The following APLF variants were observed in gnomAD, a reference collection of about 807,000 sequenced individuals.
APLF encodes the protein aprataxin and PNK-like factor.
In APLF, 61 loss-of-function variants were observed where a neutral mutation model predicts 55.6. The observed-to-expected ratio is 1.10, with a 90% CI of 0.89 to 1.36. The LOEUF (loss-of-function observed/expected upper bound fraction) is 1.36, where lower values mean the gene tolerates loss of function less well. Among genes scored for constraint, APLF ranks in the 40% most tolerant of loss-of-function variants. The pLI, the probability that APLF is intolerant of heterozygous loss-of-function variation, is 0.00. For missense variants in APLF, 611 were observed against 602.5 expected, an observed-to-expected ratio of 1.01 and a Z score of -0.15; for synonymous variants, 207 against 214.8, an observed-to-expected ratio of 0.96 and a Z score of 0.32.
intron 5 of APLF, among the ~76,000 whole-genome samples, chr2:68,518,444 T>TATATTATATATTATATAACATATAAC (rs1558539517): frequency 8.8e-6 from 1 of 113,376 alleles, no homozygotes; most frequent in African/African-American, 3.7e-5. Context: ...TAATATATAA[T>TATATTATATATTATATAACATATAAC]AATATATTAT....
rs965613055 is a variant in APLF at position 68,578,437 on chromosome 2, A to G, written c.*415A>G. On this transcript the variant is annotated 3_prime_UTR_variant, in exon 10 of 10. Transcript: ENST00000303795. Reference sequence around the variant, plus strand: ...AACATGCCTCTTTTCATTGTTACTGAAGTAATTCTGTAAGCAGAACCAGGC... The same window carrying G: ...AACATGCCTCTTTTCATTGTTACTGGAGTAATTCTGTAAGCAGAACCAGGC... 2 of 989,460 alleles carry G rather than the reference A, an allele frequency of 2.0e-6. No homozygotes were observed. The highest frequency in any genetic ancestry group is 2.4e-6 in the Non-Finnish European group (2 of 832,732). The allele number at this position is 989,460 out of a possible 1,614,324, so 61.3% of individuals were successfully genotyped here.
intron 5 of APLF, among the ~76,000 whole-genome samples, chr2:68,516,911 C>T (rs1669596604): frequency 8.5e-6 from 1 of 117,572 alleles, no homozygotes; most frequent in African/African-American, 3.3e-5. Context: ...ATTATATATC[C>T]TATATAACAT....
At chr2:68,557,593 G>A (rs964957792) in intron 8 of APLF, among the ~76,000 whole-genome samples, 1 of 152,164 alleles carries the variant, frequency 6.6e-6, no homozygotes, top group Non-Finnish European at 1.5e-5. Flanking sequence ...GTCATGTGAT[G>A]CTATCAATCT....
At chr2:68,517,108 T>C (rs1395582351) in intron 5 of APLF, among the ~76,000 whole-genome samples, 1 of 124,638 alleles carries the variant, frequency 8.0e-6, no homozygotes, top group African/African-American at 3.2e-5. Context: ...TATACTAATA[T>C]ATAATAATAC....
rs183778868 is a variant in APLF at position 68,576,380 on chromosome 2, C to G, written c.1334-1440C>G. On this transcript the variant is annotated intron_variant, in intron 9 of 9. Transcript: ENST00000303795. ...CATGCCCTCAAGATGTTTACAGGAG[C>G]TGTATATACAGATATATGTAATGCA... is the stretch of plus-strand genomic sequence containing the variant. 3.9e-5 allele frequency among the ~76,000 whole-genome samples: 6 copies of G among 152,182 alleles called. No individual in the cohort carries two copies. In the East Asian group the frequency reaches 1.2e-3, roughly 29 times the overall value.
chr2:68,507,459 A>G (rs1044207924), intron 3 of APLF, among the ~76,000 whole-genome samples: 25 of 152,130 alleles, frequency 1.6e-4, no homozygotes, highest in African/African-American at 5.8e-4. Flanking sequence ...ATTTAAGTCT[A>G]TAGATGTCAG....
chr2:68,545,063 A>C (rs931847336), intron 7 of APLF, 124 bp from the exon 8 acceptor site: 16 of 1,129,576 alleles, frequency 1.4e-5, no homozygotes, highest in Admixed American at 2.4e-5. Context: ...TATGTCATCA[A>C]TGTAGCATGT....
chr2:68,571,684 A>T (rs6739175), intron 9 of APLF, among the ~76,000 whole-genome samples: 36,417 of 151,942 alleles, frequency 0.24, 7,042 homozygotes, highest in African/African-American at 0.54. Context: ...CATGCTGTTT[A>T]GGTTACTGTA....
intron 6 of APLF, among the ~76,000 whole-genome samples, chr2:68,533,199 G>A (rs1315790289): frequency 6.6e-6 from 1 of 152,160 alleles, no homozygotes; most frequent in Non-Finnish European, 1.5e-5. Context: ...CCTCACACCA[G>A]ATGCTGGTGC....
intron 3 of APLF, among the ~76,000 whole-genome samples, chr2:68,507,109 A>G (rs1432964946): frequency 1.3e-5 from 2 of 151,958 alleles, no homozygotes; most frequent in African/African-American, 4.8e-5. Context: ...CAAATATGAG[A>G]AAATGTTTCT....
intron 2 of APLF, among the ~76,000 whole-genome samples, chr2:68,495,626 G>T (rs545911147): frequency 2.3e-4 from 35 of 152,360 alleles, no homozygotes; most frequent in Non-Finnish European, 4.1e-4. Context: ...TGTCCCAAGT[G>T]GGGACTCTGT....
chr2:68,529,509 G>A lies in APLF; in HGVS notation c.804+3267G>A, dbSNP rs1670184034. ...GACGAAACTAAGGGTCAGAAGCGGA[G>A]AGGATACTCCTAAGTCACCCACTTC... On this transcript the variant is annotated intron_variant, in intron 6 of 9. Transcript: ENST00000303795. This position sits in a 1 kb window ranked among gnomAD's most constrained non-coding sequence, Gnocchi z 4.4. 9.8e-7 allele frequency: 1 copy of A among 1,016,036 alleles called. No homozygotes were observed. Among genetic ancestry groups the A allele is most frequent in the South Asian group, 3.9e-5 (1 of 25,578 alleles). 62.9% of individuals were successfully genotyped at this position (1,016,036 alleles called of 1,614,324 possible).
intron 8 of APLF, among the ~76,000 whole-genome samples, chr2:68,557,446 A>G (rs1671047570): frequency 1.3e-5 from 2 of 152,214 alleles, no homozygotes; most frequent in Admixed American, 6.5e-5. Context: ...GCTGCAAGAT[A>G]ATGATTTTTA....
intron 8 of APLF, among the ~76,000 whole-genome samples, chr2:68,554,209 G>T (rs1178762641): frequency 2.0e-5 from 3 of 151,834 alleles, no homozygotes; most frequent in Admixed American, 2.0e-4. Flanking sequence ...ATAGGATATG[G>T]ATCATATATG....
intron 1 of APLF, among the ~76,000 whole-genome samples, chr2:68,476,578 A>G (rs976383306): frequency 1.8e-4 from 28 of 152,050 alleles, no homozygotes; most frequent in Non-Finnish European, 8.8e-5. Flanking sequence ...AGCACTGTAA[A>G]CATTCAATGT....
At chr2:68,558,075 C>T (rs1050628782) in intron 8 of APLF, among the ~76,000 whole-genome samples, 2 of 152,104 alleles carry the variant, frequency 1.3e-5, no homozygotes, top group African/African-American at 4.8e-5. Flanking sequence ...TCACTTGCTA[C>T]ATAGTTTTAC....
At chr2:68,571,641 C>T (rs13398028) in intron 9 of APLF, among the ~76,000 whole-genome samples, 2,687 of 152,146 alleles carry the variant, frequency 0.018, 76 homozygotes, top group African/African-American at 0.061. Context: ...TCTTCTGTTC[C>T]ATTGATGTAT....
intron 5 of APLF, among the ~76,000 whole-genome samples, chr2:68,525,742 C>CT (rs386390398): frequency 0.026 from 2,162 of 81,966 alleles, 205 homozygotes; most frequent in African/African-American, 0.11. Context: ...TTCTTTCTTT[C>CT]TTTTTTTTTT....
intron 8 of APLF, among the ~76,000 whole-genome samples, chr2:68,547,254 T>G (rs1005788315): frequency 6.6e-6 from 1 of 151,772 alleles, no homozygotes; most frequent in Non-Finnish European, 1.5e-5. Flanking sequence ...CCTAAATAAT[T>G]ATGAAGATCA....
Sources: gnomAD v4.1 joint callset for allele counts (sites outside exome capture counted in the v4.1 genomes callset) on GRCh38, gnomAD v4.1.1 for gene constraint, Gnocchi (gnomAD v3.1) non-coding constraint, MANE v1.5 for transcripts, NCBI Gene and HGNC (gene_info 2026-07-23, HGNC 2026-07-21) for gene names.